EIF3K: variants seen among roughly 807,000 people sequenced by gnomAD.
The protein encoded by EIF3K is eukaryotic translation initiation factor 3 subunit K.
A neutral mutation model predicts 34.2 loss-of-function variants in EIF3K; 27 were observed. The ratio of observed to expected loss-of-function variants is 0.79; its 90% CI spans 0.58 to 1.09. EIF3K has a LOEUF of 1.09. EIF3K is among the 50% of genes least tolerant of loss of function. The pLI is 0.00. For synonymous variants in EIF3K, 105 were observed against 105.7 expected (o/e 0.99, Z 0.04); for missense variants, 232 against 275.4 (o/e 0.84, Z 1.11).
rs1024970477 is a variant in EIF3K, at chr19:38,619,207, T to C, written c.-62T>C. 1.0e-5 allele frequency: 16 copies of C among 1,584,396 alleles called. No individual in the cohort carries two copies. In the Admixed American group the frequency reaches 2.7e-4, roughly 27 times the overall value. On this transcript the variant is annotated 5_prime_UTR_variant, in exon 1 of 8. Coordinates refer to ENST00000248342, the MANE Select transcript of EIF3K (RefSeq NM_013234.4). ...CACCACCTCTTCCTGTTCCCGTCCT[T>C]GAGGACGCCGTGCCGGGTCAGTGTT...
At chr19:38,628,332 C>T (rs1975990031) in intron 4 of EIF3K, among the ~76,000 whole-genome samples, 2 of 152,124 alleles carry the variant, frequency 1.3e-5, no homozygotes, top group Admixed American at 1.3e-4. Flanking sequence ...GACATCTGGC[C>T]AATGTTGGGA....
At chr19:38,628,352 G>T (rs185410613) in intron 4 of EIF3K, among the ~76,000 whole-genome samples, 1 of 152,086 alleles carries the variant, frequency 6.6e-6, no homozygotes, top group Non-Finnish European at 1.5e-5. Context: ...AGCCACTGCC[G>T]TCACCAATAA....
intron 4 of EIF3K, among the ~76,000 whole-genome samples, chr19:38,626,867 C>T (rs1975961304): frequency 6.6e-6 from 1 of 152,206 alleles, no homozygotes; most frequent in South Asian, 2.1e-4. Flanking sequence ...AGTACAGTGG[C>T]ACGATCTTGG....
intron 7 of EIF3K, 47 bp downstream of exon 7, chr19:38,635,165 C>T: frequency 1.2e-6 from 2 of 1,612,812 alleles, no homozygotes; most frequent in East Asian, 2.2e-5. Flanking sequence ...AGGGGGTGCC[C>T]CTCAAGGGAG....
intron 6 of EIF3K, 37 bp downstream of exon 6, chr19:38,632,715 T>C: frequency 1.3e-6 from 2 of 1,578,130 alleles, no homozygotes; most frequent in South Asian, 2.3e-5. Flanking sequence ...ATCTGGGAGG[T>C]TGGGGGTGGC....
In EIF3K at chr19:38,619,220, C is replaced by A; in HGVS notation, c.-49C>A. On this transcript the variant is annotated 5_prime_UTR_variant, in exon 1 of 8. Coordinates refer to ENST00000248342, the MANE Select transcript of EIF3K (RefSeq NM_013234.4). ...TGTTCCCGTCCTTGAGGACGCCGTGCCGGGTCAGTGTTAGCCTCCAGCCCT... is the reference window on the plus strand; with the variant it reads ...TGTTCCCGTCCTTGAGGACGCCGTGACGGGTCAGTGTTAGCCTCCAGCCCT... 3 of 1,599,510 alleles carry A rather than the reference C, an allele frequency of 1.9e-6. No homozygotes were observed. Among genetic ancestry groups the A allele is most frequent in the East Asian group, 2.3e-5 (1 of 44,432 alleles).
At chr19:38,625,450 G>A (rs1975929116) in intron 3 of EIF3K, among the ~76,000 whole-genome samples, 1 of 151,172 alleles carries the variant, frequency 6.6e-6, no homozygotes, top group Admixed American at 6.6e-5. Context: ...ACAGATGTGA[G>A]CCACCGTGCC....
chr19:38,631,343 G>A lies in EIF3K; in HGVS notation c.355-1087G>A, dbSNP rs556017062. On this transcript the variant is annotated intron_variant, in intron 4 of 7. Coordinates refer to ENST00000248342, the MANE Select transcript of EIF3K (RefSeq NM_013234.4). ...TTGGGTGTTTCTCGGAGAGGGGGAT[G>A]TGGCAGGGTCATAGGATAATAGTGG... is the stretch of plus-strand genomic sequence containing the variant. Among the ~76,000 whole-genome samples, 3 of 152,356 alleles carry A rather than the reference G, an allele frequency of 2.0e-5. No individual in the cohort carries two copies. In the South Asian group the frequency reaches 6.2e-4, roughly 32 times the overall value.
At chr19:38,623,237 A>G (rs1340556521) in intron 2 of EIF3K, among the ~76,000 whole-genome samples, 1 of 152,222 alleles carries the variant, frequency 6.6e-6, no homozygotes. Flanking sequence ...TGTCCATAAA[A>G]TCTTCACAAT....
At position 38,632,650 on chromosome 19, in the gene EIF3K, G is replaced by A. The variant is rs1424571091; in HGVS notation, c.471G>A (p.Leu157=). ...CTTACCAGCACATTGACCGCTGGCT[G>A]CTGGCCGAGATGCTCGGGGATCTGT... ...GITYQHIDRW[L]LAEMLGDLSD... is the part of the protein sequence containing the mutation. The change falls in exon 6 of 8, where the codon CTG becomes CTA. Residue 157 remains leucine (L), a synonymous_variant. Transcript: ENST00000248342. The A allele has an allele frequency of 1.9e-6, 3 of 1,613,586 alleles. No homozygotes were observed. The highest frequency in any genetic ancestry group is 1.7e-5 in the Admixed American group (1 of 59,922).
intron 7 of EIF3K, 153 bp downstream of exon 7, chr19:38,635,271 G>C: frequency 8.9e-7 from 1 of 1,126,594 alleles, no homozygotes; most frequent in Non-Finnish European, 1.3e-6. Flanking sequence ...GTGTCTTGGG[G>C]CTCCCGCCCA....
chr19:38,621,903 CTTTTTTTTTTTTT>C (rs914363057), intron 2 of EIF3K, among the ~76,000 whole-genome samples: 2 of 111,504 alleles, frequency 1.8e-5, no homozygotes, highest in East Asian at 2.3e-4. Context: ...TCTTCGTGCC[CTTTTTTTTTTTTT>C]TTTTTTTTTG....
intron 7 of EIF3K, among the ~76,000 whole-genome samples, chr19:38,636,184 C>A (rs996930998): frequency 2.0e-5 from 3 of 152,212 alleles, no homozygotes; most frequent in Non-Finnish European, 4.4e-5. Context: ...CCCCACCCCA[C>A]CTTCCTGACC....
chr19:38,624,729 C>T (rs1390319520), intron 3 of EIF3K, among the ~76,000 whole-genome samples: 1 of 151,530 alleles, frequency 6.6e-6, no homozygotes, highest in Non-Finnish European at 1.5e-5. Flanking sequence ...CACAGTGAGA[C>T]TCTGTCTCAA....
At position 38,634,308 on chromosome 19, in the gene EIF3K, G is replaced by A. The variant is rs570063818; in HGVS notation, c.500-685G>A. On this transcript the variant is annotated intron_variant, in intron 6 of 7. Coordinates refer to ENST00000248342, the MANE Select transcript of EIF3K (RefSeq NM_013234.4). ...TTTAGCAGAGATGGGGTTTCACCAC[G>A]TTGGCCAGGACTTGGCACGGTGGCT... is the stretch of plus-strand genomic sequence containing the variant. Among the ~76,000 whole-genome samples the A allele has an allele frequency of 1.5e-4, 20 of 129,436 alleles. No homozygotes were observed. The South Asian group carries it at 2.8e-3, about 18-fold the overall frequency. 84.9% of individuals were successfully genotyped at this position (129,436 alleles called of 152,430 possible).
At chr19:38,632,052 A>G (rs923326475) in intron 4 of EIF3K, 1 of 219,328 alleles carries the variant, frequency 4.6e-6, no homozygotes, top group African/African-American at 2.4e-5. Context: ...TTCTTTCTAC[A>G]CAGACACAGT....
intron 6 of EIF3K, among the ~76,000 whole-genome samples, chr19:38,634,317 G>A (rs1976139710): frequency 6.9e-6 from 1 of 145,414 alleles, no homozygotes; most frequent in African/African-American, 2.6e-5. Flanking sequence ...CGTTGGCCAG[G>A]ACTTGGCACG....
chr19:38,623,968 C>CA (rs1975895357), intron 2 of EIF3K, 109 bp from the exon 3 acceptor site: 3 of 1,532,382 alleles, frequency 2.0e-6, no homozygotes, highest in Admixed American at 3.6e-5. Flanking sequence ...GATTGGAACC[C>CA]AGGCATGTCC....
chr19:38,624,307 G>A (rs1975903694), intron 3 of EIF3K, 110 bp downstream of exon 3: 3 of 1,515,822 alleles, frequency 2.0e-6, no homozygotes, highest in South Asian at 2.5e-5. Flanking sequence ...ACAAGTGCCT[G>A]CTCTGGTCCA....
Sources: allele counts gnomAD v4.1 joint callset (sites outside exome capture counted in the v4.1 genomes callset), GRCh38; gene constraint gnomAD v4.1.1; transcripts MANE v1.5; gene names NCBI Gene and HGNC (gene_info 2026-07-23, HGNC 2026-07-21).